Variants in FGGY observed in about 807,000 individuals in gnomAD.
FGGY encodes FGGY carbohydrate kinase domain containing, also known as FGGY carbohydrate kinase domain-containing protein.
FGGY carries 72 observed loss-of-function variants against 71.3 expected under a neutral mutation model. That is an observed-to-expected ratio of 1.01 (90% CI 0.84 to 1.23). The LOEUF is 1.23. FGGY is among the 50% of genes most tolerant of loss of function. FGGY has a pLI of 0.00. For missense variants in FGGY, 668 were observed against 682.3 expected, an observed-to-expected ratio of 0.98 and a Z score of 0.23; for synonymous variants, 251 against 250.3, an observed-to-expected ratio of 1.00 and a Z score of -0.02.
At chr1:59,644,163 CCTAA>C (rs1477600426) in intron 11 of FGGY, among the ~76,000 whole-genome samples, 10 of 152,178 alleles carry the variant, frequency 6.6e-5, no homozygotes, top group African/African-American at 2.4e-4. Flanking sequence ...TCCTTCCCAC[CCTAA>C]CTGACTCAGA....
At chr1:59,647,139 A>G (rs1465864440) in intron 11 of FGGY, among the ~76,000 whole-genome samples, 1 of 152,316 alleles carries the variant, frequency 6.6e-6, no homozygotes, top group Non-Finnish European at 1.5e-5. Context: ...GACATAAACA[A>G]TGCAAAGGAA....
At chr1:59,681,783 T>TACAC (rs372869163) in intron 14 of FGGY, among the ~76,000 whole-genome samples, 94 of 137,130 alleles carry the variant, frequency 6.9e-4, no homozygotes, top group Middle Eastern at 7.3e-3. Flanking sequence ...CCTTGAAAAA[T>TACAC]ACACACACAC....
At chr1:59,743,818 T>C (rs1461267416) in intron 14 of FGGY, among the ~76,000 whole-genome samples, 1 of 152,228 alleles carries the variant, frequency 6.6e-6, no homozygotes, top group Non-Finnish European at 1.5e-5. Flanking sequence ...TTCTACAACT[T>C]TTATCCCCTG....
At chr1:59,703,395 A>G (rs1045600983) in intron 14 of FGGY, among the ~76,000 whole-genome samples, 1 of 152,172 alleles carries the variant, frequency 6.6e-6, no homozygotes, top group Non-Finnish European at 1.5e-5. Flanking sequence ...TCTTCCAGGA[A>G]AGTGCATCCC....
At chr1:59,354,944 C>T (rs1486222341) in intron 4 of FGGY, among the ~76,000 whole-genome samples, 1 of 152,138 alleles carries the variant, frequency 6.6e-6, no homozygotes, top group Non-Finnish European at 1.5e-5. Flanking sequence ...AGGAAAGCAC[C>T]TCATGAGATC....
intron 8 of FGGY, among the ~76,000 whole-genome samples, chr1:59,591,924 C>G (rs1443352995): frequency 6.6e-6 from 1 of 152,106 alleles, no homozygotes; most frequent in Non-Finnish European, 1.5e-5. Flanking sequence ...GCAACAAAAG[C>G]CAAAATTGAC....
intron 8 of FGGY, among the ~76,000 whole-genome samples, chr1:59,563,756 A>C (rs1347928698): frequency 6.6e-6 from 1 of 152,210 alleles, no homozygotes; most frequent in Admixed American, 6.5e-5. Flanking sequence ...CAAAAGAACA[A>C]AGCTAGAGGC....
chr1:59,385,559 C>T (rs2059979513), intron 5 of FGGY, among the ~76,000 whole-genome samples: 1 of 152,048 alleles, frequency 6.6e-6, no homozygotes, highest in African/African-American at 2.4e-5. Context: ...TTACTGTCTA[C>T]AATTTTGATG....
chr1:59,675,883 T>G (rs2097430616), intron 14 of FGGY, among the ~76,000 whole-genome samples: 1 of 152,022 alleles, frequency 6.6e-6, no homozygotes, highest in Non-Finnish European at 1.5e-5. Context: ...GGGAGCTAAT[T>G]AGGGTTAGAT....
chr1:59,637,260 C>T (rs2096969668), intron 10 of FGGY, among the ~76,000 whole-genome samples: 1 of 152,164 alleles, frequency 6.6e-6, no homozygotes, highest in Non-Finnish European at 1.5e-5. Context: ...CTCTCCACCT[C>T]CTCTTCACCT....
chr1:59,514,263 G>A (rs2094585642), intron 7 of FGGY, among the ~76,000 whole-genome samples: 1 of 152,138 alleles, frequency 6.6e-6, no homozygotes, highest in Non-Finnish European at 1.5e-5. Context: ...ACCCCTACCT[G>A]GGTGACAATC....
chr1:59,329,826 A>G lies in FGGY; in HGVS notation c.201+8076A>G, dbSNP rs140982839. 2.3e-3 allele frequency among the ~76,000 whole-genome samples: 350 copies of G among 152,346 alleles called. 2 individuals carry two copies. The highest frequency in any genetic ancestry group is 8.2e-3 in the African/African-American group (339 of 41,588). ...TAATTACAATTAAATATAATTAAAC[A>G]TTCACTTCCTCTTTTGCTCCAGCCA... is the stretch of plus-strand genomic sequence containing the variant. On this transcript the variant is annotated intron_variant, in intron 2 of 15. Coordinates refer to ENST00000303721, the MANE Select transcript of FGGY (RefSeq NM_018291.5).
chr1:59,362,011 G>A (rs1466926456), intron 4 of FGGY, among the ~76,000 whole-genome samples: 1 of 152,164 alleles, frequency 6.6e-6, no homozygotes, highest in African/African-American at 2.4e-5. Flanking sequence ...ACAGTGTGCA[G>A]ACCGCGAACA....
intron 11 of FGGY, among the ~76,000 whole-genome samples, chr1:59,650,420 A>G (rs2097146070): frequency 8.6e-6 from 1 of 116,550 alleles, no homozygotes; most frequent in Non-Finnish European, 1.6e-5. Flanking sequence ...TATTGCCTCA[A>G]TTTCAGAGCC....
At chr1:59,739,893 G>A (rs1020900602) in intron 14 of FGGY, among the ~76,000 whole-genome samples, 28 of 152,282 alleles carry the variant, frequency 1.8e-4, no homozygotes, top group Admixed American at 1.2e-3. Context: ...GTTTCTGGTT[G>A]GGTTTGGCCA....
chr1:59,575,042 T>C (rs992333837), intron 8 of FGGY, among the ~76,000 whole-genome samples: 13 of 152,218 alleles, frequency 8.5e-5, no homozygotes, highest in Admixed American at 1.3e-4. Context: ...TGAATTTTGA[T>C]ATACTATATA....
chr1:59,399,502 G>A (rs1386642809), intron 5 of FGGY, among the ~76,000 whole-genome samples: 4 of 152,050 alleles, frequency 2.6e-5, no homozygotes, highest in Non-Finnish European at 4.4e-5. Flanking sequence ...CTGGCAAAGC[G>A]GACTCTCTGA....
At chr1:59,412,957 G>A (rs968037059) in intron 5 of FGGY, among the ~76,000 whole-genome samples, 3 of 152,172 alleles carry the variant, frequency 2.0e-5, no homozygotes, top group East Asian at 3.9e-4. Flanking sequence ...GAAAGAGGAA[G>A]TGCAAGAGCC....
At chr1:59,323,303 A>T (rs550221845) in intron 2 of FGGY, among the ~76,000 whole-genome samples, 1 of 152,348 alleles carries the variant, frequency 6.6e-6, no homozygotes, top group East Asian at 1.9e-4. Context: ...ATTTTTAATC[A>T]TCTCCCAGTG....
Sources: allele counts gnomAD v4.1 joint callset (sites outside exome capture counted in the v4.1 genomes callset), GRCh38; gene constraint gnomAD v4.1.1; transcripts MANE v1.5; gene names NCBI Gene and HGNC (gene_info 2026-07-23, HGNC 2026-07-21).